Variants in LRRC74A observed in about 807,000 individuals in gnomAD.
LRRC74A encodes the protein leucine rich repeat containing 74A.
In LRRC74A, 44 loss-of-function variants were observed where a neutral mutation model predicts 57.9. That is an observed-to-expected ratio of 0.76 (90% CI 0.60 to 0.98). LRRC74A has a LOEUF of 0.98. Ranked by LOEUF, LRRC74A falls within the 50% of genes least tolerant of loss-of-function variation. The pLI is 0.00. For synonymous variants in LRRC74A, 211 were observed against 219.4 expected (o/e 0.96, Z 0.34); for missense variants, 572 against 574.0 (o/e 1.00, Z 0.04).
rs754374813 is a variant in LRRC74A, at chr14:76,844,965, G to A, written c.676+64G>A. On this transcript the variant is annotated intron_variant, in intron 7 of 13. Transcript: ENST00000689127. ...ATAGGGAAGAATCACTTGGCAGAGC[G>A]GAATCTCCCTTTTAAACATGATTTT... 39 of 805,306 alleles carry A rather than the reference G, an allele frequency of 4.8e-5. 1 individual carries two copies. In the Middle Eastern group the frequency reaches 3.6e-3, roughly 75 times the overall value. The allele number at this position is 805,306 out of a possible 1,614,324, so 49.9% of individuals were successfully genotyped here.
chr14:76,840,651 C>T (rs1307825593), intron 5 of LRRC74A, among the ~76,000 whole-genome samples: 4 of 146,594 alleles, frequency 2.7e-5, no homozygotes, highest in African/African-American at 5.1e-5. Context: ...GGCACAATCT[C>T]GGCTCACTGC....
chr14:76,855,059 G>A (rs914697209), intron 9 of LRRC74A, among the ~76,000 whole-genome samples: 1 of 152,264 alleles, frequency 6.6e-6, no homozygotes, highest in Admixed American at 6.5e-5. Context: ...GACCACAGAT[G>A]TGAGGGTCCT....
chr14:76,846,747 G>A (rs189434188), intron 7 of LRRC74A, among the ~76,000 whole-genome samples: 152 of 152,324 alleles, frequency 1.0e-3, no homozygotes, highest in African/African-American at 3.6e-3. Context: ...TGTTTACGTG[G>A]ATGGAGACAA....
intron 10 of LRRC74A, among the ~76,000 whole-genome samples, chr14:76,859,766 C>G (rs544563444): frequency 6.7e-6 from 1 of 149,906 alleles, no homozygotes; most frequent in African/African-American, 2.5e-5. Flanking sequence ...ACCTCTACCT[C>G]CCAGGTTCAA....
chr14:76,866,092 T>A lies in LRRC74A; in HGVS notation c.1308+17T>A. 1.3e-6 allele frequency: 2 copies of A among 1,482,650 alleles called. No homozygotes were observed. Among genetic ancestry groups the A allele is most frequent in the South Asian group, 1.2e-5 (1 of 84,250 alleles). The allele number at this position is 1,482,650 out of a possible 1,614,324, so 91.8% of individuals were successfully genotyped here. ...ATGATAGAGGTGTGCTGGGTCCTAG[T>A]GGCAACAGGCTGTGTGTGAGTGTGA... On this transcript the variant is annotated intron_variant, in intron 12 of 13. Transcript: ENST00000689127.
chr14:76,844,572 A>G, intron 6 of LRRC74A, 100 bp downstream of exon 6: 3 of 1,240,424 alleles, frequency 2.4e-6, no homozygotes, highest in Non-Finnish European at 3.5e-6. Context: ...GGCTACTTTC[A>G]CATGTTAGGG....
intron 3 of LRRC74A, among the ~76,000 whole-genome samples, chr14:76,833,436 CTTTTTTTTT>C: frequency 1.4e-5 from 1 of 69,024 alleles, no homozygotes; most frequent in Non-Finnish European, 2.8e-5. Context: ...ATTCACATCA[CTTTTTTTTT>C]TTTTTTTTTT....
At chr14:76,831,698 A>G (rs1325235359) in intron 3 of LRRC74A, among the ~76,000 whole-genome samples, 2 of 152,254 alleles carry the variant, frequency 1.3e-5, no homozygotes, top group Middle Eastern at 3.4e-3. Context: ...CCAATTATCA[A>G]TGTAAGAGCA....
In LRRC74A at chr14:76,851,260, A is replaced by G. The variant is rs563303047; in HGVS notation, c.677-1105A>G. On this transcript the variant is annotated intron_variant, in intron 7 of 13. Transcript: ENST00000689127. ...TCATGTGACGTAATATGCCAGGTCC[A>G]TCACAGCCTTCCTGTGTAAATACAG... 2.0e-5 allele frequency among the ~76,000 whole-genome samples: 3 copies of G among 152,400 alleles called. No individual in the cohort carries two copies. The South Asian group carries it at 6.2e-4, about 32-fold the overall frequency.
intron 11 of LRRC74A, among the ~76,000 whole-genome samples, chr14:76,862,964 A>G (rs1224815504): frequency 6.6e-6 from 1 of 152,164 alleles, no homozygotes; most frequent in Non-Finnish European, 1.5e-5. Context: ...CGAATCCAGC[A>G]GGATTGAGGA....
intron 5 of LRRC74A, among the ~76,000 whole-genome samples, chr14:76,838,735 G>A (rs997921440): frequency 2.0e-5 from 3 of 152,126 alleles, no homozygotes; most frequent in Non-Finnish European, 4.4e-5. Flanking sequence ...AGAGTGTCTA[G>A]GGAAAAAATA....
rs1442417664 is a variant in LRRC74A at position 76,852,469 on chromosome 14, G to A, written c.762+19G>A. ...TCTCCGGGTAAGGCACTCTCCAGGAGTGATGTGTGGAGCCCAGTTGAGGAC... is the reference window on the plus strand; with the variant it reads ...TCTCCGGGTAAGGCACTCTCCAGGAATGATGTGTGGAGCCCAGTTGAGGAC... On this transcript the variant is annotated intron_variant, in intron 8 of 13. Transcript: ENST00000689127. 2.6e-6 allele frequency: 4 copies of A among 1,562,568 alleles called. No individual in the cohort carries two copies. The highest frequency in any genetic ancestry group is 3.5e-6 in the Non-Finnish European group (4 of 1,141,002).
At chr14:76,849,678 G>A (rs1595373747) in intron 7 of LRRC74A, among the ~76,000 whole-genome samples, 5 of 150,690 alleles carry the variant, frequency 3.3e-5, no homozygotes, top group Admixed American at 3.3e-4. Flanking sequence ...TGACTTGGGT[G>A]TATAATCCCA....
chr14:76,864,422 GGTGGCGGGGGGAAGGGGGGT>G (rs1566744772), intron 11 of LRRC74A, among the ~76,000 whole-genome samples: 5 of 48,030 alleles, frequency 1.0e-4, no homozygotes, highest in Admixed American at 2.2e-4. Context: ...GGGGGGGGGG[GGTGGCGGGGGGAAGGGGGGT>G]GGCGGGGGAG....
chr14:76,844,224 A>T (rs946681752), intron 5 of LRRC74A, among the ~76,000 whole-genome samples, 199 bp from the exon 6 acceptor site: 1 of 152,310 alleles, frequency 6.6e-6, no homozygotes, highest in East Asian at 1.9e-4. Context: ...GCTGGTCTCA[A>T]ACTCCTGGGC....
chr14:76,840,834 C>T (rs940414031), intron 5 of LRRC74A, among the ~76,000 whole-genome samples: 6 of 152,032 alleles, frequency 3.9e-5, no homozygotes, highest in African/African-American at 1.2e-4. Flanking sequence ...CCGCCTGCCT[C>T]GGCCTCCCAA....
chr14:76,848,759 G>A (rs1897259375), intron 7 of LRRC74A, among the ~76,000 whole-genome samples: 1 of 152,200 alleles, frequency 6.6e-6, no homozygotes, highest in African/African-American at 2.4e-5. Flanking sequence ...AGAAGAAGGA[G>A]GAGGTAATTA....
chr14:76,850,844 CA>C lies in LRRC74A; in HGVS notation c.677-1501del, dbSNP rs36208311. 1.4e-4 allele frequency among the ~76,000 whole-genome samples: 18 copies of C among 130,942 alleles called. 1 individual carries two copies. The East Asian group carries it at 3.3e-3, about 24-fold the overall frequency. The allele number at this position is 130,942 out of a possible 152,430, so 85.9% of individuals were successfully genotyped here. ...GATTGTCAAGGGCAAAACTCTGTCT[CA>C]AAAAAAAAAAAAAAAAAAAGAAAGA... is the stretch of plus-strand genomic sequence containing the variant. On this transcript the variant is annotated intron_variant, in intron 7 of 13. Transcript: ENST00000689127.
rs1897982120 is a variant in LRRC74A at position 76,857,371 on chromosome 14, C to A, written c.958-9C>A. Reference sequence around the variant, plus strand: ...TCAGCCTCCTCTTGTCTTGATTCTCCCTCTATAGCTTTTCCTGAATCCCAT... The same window carrying A: ...TCAGCCTCCTCTTGTCTTGATTCTCACTCTATAGCTTTTCCTGAATCCCAT... On this transcript the variant is annotated splice_polypyrimidine_tract_variant and intron_variant, in intron 9 of 13. Coordinates refer to ENST00000689127, the MANE Select transcript of LRRC74A (RefSeq NM_001385106.1). 6.4e-7 allele frequency: 1 copy of A among 1,555,312 alleles called. No individual in the cohort carries two copies. Among genetic ancestry groups the A allele is most frequent in the South Asian group, 1.2e-5 (1 of 85,018 alleles).
Sources: allele counts gnomAD v4.1 joint callset (sites outside exome capture counted in the v4.1 genomes callset), GRCh38; gene constraint gnomAD v4.1.1; transcripts MANE v1.5; gene names NCBI Gene and HGNC (gene_info 2026-07-23, HGNC 2026-07-21).